Variants in CWF19L2 observed in about 807,000 individuals in gnomAD.
CWF19L2 encodes the protein CWF19 like cell cycle control factor 2.
In CWF19L2, 98 loss-of-function variants were observed where a neutral mutation model predicts 111.7. The observed-to-expected ratio is 0.88, with a 90% CI of 0.75 to 1.04. The LOEUF (loss-of-function observed/expected upper bound fraction) is 1.04, where lower values mean the gene tolerates loss of function less well. CWF19L2 is among the 50% of genes least tolerant of loss of function. The pLI is 0.00. For synonymous variants in CWF19L2, 351 were observed against 342.9 expected (o/e 1.02, Z -0.26); for missense variants, 1,101 against 1,051.4 (o/e 1.05, Z -0.65).
chr11:107,387,551 G>A (rs961579147), intron 12 of CWF19L2, among the ~76,000 whole-genome samples: 1 of 151,812 alleles, frequency 6.6e-6, no homozygotes, highest in Non-Finnish European at 1.5e-5. Context: ...CACTACCTCA[G>A]CAGTCCCCAA....
intron 7 of CWF19L2, among the ~76,000 whole-genome samples, chr11:107,430,083 A>C (rs1192355594): frequency 6.6e-6 from 1 of 152,070 alleles, no homozygotes; most frequent in Admixed American, 6.6e-5. Flanking sequence ...TAGAGCATTA[A>C]TTTTAAAAAT....
rs142671244 is a variant in CWF19L2 at position 107,378,889 on chromosome 11, A to G, written c.1872+11185T>C. The stretch of plus-strand genomic sequence containing the variant: ...CATCGATAGTGTGATGGCAACAGGA[A>G]CAAAGAGAAGTAGATTGGGCATAGG... On this transcript the variant is annotated intron_variant, in intron 12 of 17. Transcript: ENST00000282251. Among the ~76,000 whole-genome samples, 99 of 152,332 alleles carry G rather than the reference A, an allele frequency of 6.5e-4. 1 individual carries two copies. The highest frequency in any genetic ancestry group is 3.5e-3 in the East Asian group (18 of 5,192).
At chr11:107,430,227 T>C (rs1307331357) in intron 7 of CWF19L2, among the ~76,000 whole-genome samples, 1 of 151,520 alleles carries the variant, frequency 6.6e-6, no homozygotes, top group Admixed American at 6.6e-5. Flanking sequence ...AAAAAAACCT[T>C]TACAAGGACT....
chr11:107,369,335 A>G (rs1860476776), intron 12 of CWF19L2, among the ~76,000 whole-genome samples: 1 of 137,890 alleles, frequency 7.3e-6, no homozygotes, highest in Non-Finnish European at 1.6e-5. Flanking sequence ...ATAATATAAA[A>G]GTAGAGCTTC....
chr11:107,362,518 T>G (rs1250627040), intron 12 of CWF19L2, among the ~76,000 whole-genome samples: 1 of 152,118 alleles, frequency 6.6e-6, no homozygotes, highest in African/African-American at 2.4e-5. Context: ...CCCTGACCCC[T>G]GACCCCCGAG....
chr11:107,351,025 G>A (rs995378240), intron 13 of CWF19L2, among the ~76,000 whole-genome samples: 2 of 152,206 alleles, frequency 1.3e-5, no homozygotes, highest in African/African-American at 2.4e-5. Flanking sequence ...CCTCATAGGC[G>A]ACAATAAGGA....
At chr11:107,418,327 G>T in intron 8 of CWF19L2, 40 bp from the exon 9 acceptor site, 1 of 1,305,528 alleles carries the variant, frequency 7.7e-7, no homozygotes, top group Non-Finnish European at 1.1e-6. Flanking sequence ...TGAAATATAG[G>T]TGCGATGCAA....
chr11:107,423,586 A>T (rs1861332338), intron 8 of CWF19L2, among the ~76,000 whole-genome samples: 1 of 151,826 alleles, frequency 6.6e-6, no homozygotes, highest in East Asian at 1.9e-4. Flanking sequence ...TCCATTTCTC[A>T]TCTCAACATC....
chr11:107,370,189 A>C (rs1472794870), intron 12 of CWF19L2, among the ~76,000 whole-genome samples: 1 of 137,352 alleles, frequency 7.3e-6, no homozygotes, highest in Non-Finnish European at 1.6e-5. Flanking sequence ...CTCTTAGGTG[A>C]CAGTATTTCT....
chr11:107,350,127 CTAAA>C (rs1157265577), intron 13 of CWF19L2, among the ~76,000 whole-genome samples: 10 of 151,902 alleles, frequency 6.6e-5, no homozygotes, highest in African/African-American at 1.5e-4. Flanking sequence ...AAATTAATAC[CTAAA>C]TAAATTAGAA....
At chr11:107,355,706 T>C (rs765601354) in intron 12 of CWF19L2, among the ~76,000 whole-genome samples, 44 of 152,302 alleles carry the variant, frequency 2.9e-4, no homozygotes, top group Non-Finnish European at 5.7e-4. Flanking sequence ...CTAAAGTTTA[T>C]ATACCTAATA....
intron 10 of CWF19L2, among the ~76,000 whole-genome samples, chr11:107,397,141 T>A (rs897564222): frequency 1.3e-5 from 2 of 151,988 alleles, no homozygotes; most frequent in African/African-American, 2.4e-5. Context: ...TTTGTAACAA[T>A]TTGAACAGGG....
At chr11:107,417,108 G>A (rs1459463340) in intron 9 of CWF19L2, among the ~76,000 whole-genome samples, 1 of 152,118 alleles carries the variant, frequency 6.6e-6, no homozygotes, top group Non-Finnish European at 1.5e-5. Flanking sequence ...GTTACCATTT[G>A]TTCTACTACA....
intron 3 of CWF19L2, among the ~76,000 whole-genome samples, chr11:107,448,253 G>A (rs1475997355): frequency 2.8e-5 from 4 of 145,274 alleles, no homozygotes; most frequent in African/African-American, 1.0e-4. Flanking sequence ...GCTGAGGGAC[G>A]AGAATCACTT....
chr11:107,362,237 G>A (rs1860360389), intron 12 of CWF19L2, among the ~76,000 whole-genome samples: 2 of 151,976 alleles, frequency 1.3e-5, no homozygotes, highest in Admixed American at 6.6e-5. Flanking sequence ...GCGGCAGCGA[G>A]GCAGGGGGAA....
At chr11:107,457,569 C>A in intron 1 of CWF19L2, 143 bp downstream of exon 1, 1 of 607,232 alleles carries the variant, frequency 1.6e-6, no homozygotes, top group Non-Finnish European at 2.9e-6. Flanking sequence ...AAAGGGTTTA[C>A]CGGCATTGCA....
chr11:107,375,255 T>C (rs1314533870), intron 12 of CWF19L2, among the ~76,000 whole-genome samples: 4 of 133,916 alleles, frequency 3.0e-5, no homozygotes, highest in Non-Finnish European at 6.4e-5. Context: ...TGAACTCAGC[T>C]CTGCACCAAG....
chr11:107,401,745 T>A (rs116929554), intron 10 of CWF19L2, among the ~76,000 whole-genome samples: 1 of 152,036 alleles, frequency 6.6e-6, no homozygotes, highest in South Asian at 2.1e-4. Context: ...CTAAAATTCA[T>A]AGAAACTAAA....
At chr11:107,329,817 C>T in intron 17 of CWF19L2, 101 bp downstream of exon 17, 1 of 783,962 alleles carries the variant, frequency 1.3e-6, no homozygotes, top group Admixed American at 3.1e-5. Flanking sequence ...GCAGTACTCA[C>T]CAATTTCTTT....
Sources: allele counts gnomAD v4.1 joint callset (sites outside exome capture counted in the v4.1 genomes callset), GRCh38; gene constraint gnomAD v4.1.1; transcripts MANE v1.5; gene names NCBI Gene and HGNC (gene_info 2026-07-23, HGNC 2026-07-21).